Variants in TMEM204 observed in about 807,000 individuals in gnomAD.
The protein encoded by TMEM204 is transmembrane protein 204.
A neutral mutation model predicts 19.4 loss-of-function variants in TMEM204; 15 were observed. That is an observed-to-expected ratio of 0.77 (90% CI 0.52 to 1.19). The LOEUF (loss-of-function observed/expected upper bound fraction) is 1.19, where lower values mean the gene tolerates loss of function less well. TMEM204 is among the 50% of genes most tolerant of loss of function. TMEM204 has a pLI of 0.00. For synonymous variants in TMEM204, 161 were observed against 146.0 expected (o/e 1.10, Z -0.74); for missense variants, 287 against 321.2 (o/e 0.89, Z 0.81).
chr16:1,534,600 C>G (rs542513273), intron 1 of TMEM204, 45 bp downstream of exon 1: 2 of 1,597,860 alleles, frequency 1.3e-6, no homozygotes, highest in Admixed American at 3.3e-5. Context: ...GGCCGAGGCT[C>G]GAGGGCACAT....
chr16:1,541,699 G>A (rs368018294), intron 1 of TMEM204, among the ~76,000 whole-genome samples: 165 of 152,216 alleles, frequency 1.1e-3, no homozygotes, highest in African/African-American at 3.7e-3. Flanking sequence ...CAGGCCCGGC[G>A]GCTGGGATGA....
At chr16:1,546,584 A>C (rs1167518882) in intron 2 of TMEM204, among the ~76,000 whole-genome samples, 2 of 152,140 alleles carry the variant, frequency 1.3e-5, no homozygotes, top group Non-Finnish European at 2.9e-5. Context: ...TTCAGGCCCG[A>C]GGCGCATCCC....
At chr16:1,545,632 G>A (rs867447633) in intron 2 of TMEM204, among the ~76,000 whole-genome samples, 13 of 152,174 alleles carry the variant, frequency 8.5e-5, no homozygotes, top group African/African-American at 2.7e-4. Flanking sequence ...AGTGAACCTC[G>A]ATCCCAGGGC....
intron 2 of TMEM204, among the ~76,000 whole-genome samples, chr16:1,543,659 A>G (rs964755330): frequency 2.9e-4 from 44 of 152,206 alleles, no homozygotes; most frequent in Non-Finnish European, 1.3e-4. Context: ...AGAACGAATG[A>G]GACAGGGATG....
At chr16:1,541,693 C>G (rs1189356571) in intron 1 of TMEM204, among the ~76,000 whole-genome samples, 1 of 152,130 alleles carries the variant, frequency 6.6e-6, no homozygotes, top group Non-Finnish European at 1.5e-5. Flanking sequence ...TGCAGCCAGG[C>G]CCGGCGGCTG....
chr16:1,539,119 G>A (rs902249628), intron 1 of TMEM204, among the ~76,000 whole-genome samples: 2 of 146,122 alleles, frequency 1.4e-5, no homozygotes, highest in African/African-American at 5.1e-5. Context: ...TCAGCAAGCT[G>A]CAGAGTGCCA....
In TMEM204 at chr16:1,534,448, G is replaced by T; in HGVS notation, c.173G>T (p.Gly58Val). The T allele has an allele frequency of 6.2e-7, 1 of 1,611,652 alleles. No homozygotes were observed. The highest frequency in any genetic ancestry group is 8.5e-7 in the Non-Finnish European group (1 of 1,179,734). Residue 58 changes from glycine to valine, a missense_variant, in exon 1 of 3, where the codon GGG (glycine) becomes GTG (valine). Coordinates refer to ENST00000566264, the MANE Select transcript of TMEM204 (RefSeq NM_024600.6). ...TGGCTGGTGGACAGGACCCGGGGAG[G>T]GCCGAGCCCTGGGGCCAGAGCCGGC... ...SCWLVDRTRGGPSPGARAGQV... is the reference protein window; with the variant it reads ...SCWLVDRTRGVPSPGARAGQV...
intron 1 of TMEM204, chr16:1,541,480 C>G (rs910007270): frequency 5.1e-6 from 5 of 985,296 alleles, no homozygotes; most frequent in East Asian, 1.1e-4. Flanking sequence ...GCTGGCCCCC[C>G]GCGGAGTCTC....
At chr16:1,542,152 C>A in intron 2 of TMEM204, 76 bp downstream of exon 2, 1 of 1,430,552 alleles carries the variant, frequency 7.0e-7, no homozygotes, top group East Asian at 2.6e-5. Flanking sequence ...GGTCCTGAGG[C>A]CTTGGGTGGC....
intron 2 of TMEM204, chr16:1,554,211 TGGAGTTCCCAAAGC>T: frequency 9.5e-7 from 1 of 1,058,142 alleles, no homozygotes; most frequent in East Asian, 6.1e-5. Flanking sequence ...CCAGGCCATC[TGGAGTTCCCAAAGC>T]AAAGGCCAAG....
In TMEM204 at chr16:1,553,291, CCTGT is replaced by C. The variant is rs2141407539; in HGVS notation, c.437-1488_437-1485del. The C allele has an allele frequency of 1.0e-6, 1 of 981,386 alleles. No individual in the cohort carries two copies. Among genetic ancestry groups the C allele is most frequent in the Non-Finnish European group, 1.2e-6 (1 of 826,572 alleles). 60.8% of individuals were successfully genotyped at this position (981,386 alleles called of 1,614,324 possible). On this transcript the variant is annotated intron_variant, in intron 2 of 2. Coordinates refer to ENST00000566264, the MANE Select transcript of TMEM204 (RefSeq NM_024600.6). This position sits in a 1 kb window ranked among gnomAD's most constrained non-coding sequence, Gnocchi z 4.4. ...TGGTCTCTGTCTCTCTGTGTCTCTG[CCTGT>C]CTCTCTGTGTCTCTGTCTCTGTGTC...
At chr16:1,536,825 G>A (rs1014466963) in intron 1 of TMEM204, among the ~76,000 whole-genome samples, 2 of 152,184 alleles carry the variant, frequency 1.3e-5, no homozygotes, top group Non-Finnish European at 2.9e-5. Context: ...CCCACGGGGT[G>A]GCCCCTCTGT....
intron 1 of TMEM204, among the ~76,000 whole-genome samples, chr16:1,535,134 C>T (rs946784258): frequency 6.6e-6 from 1 of 152,084 alleles, no homozygotes; most frequent in African/African-American, 2.4e-5. Context: ...TGGCTTTGTT[C>T]TCACGGTTGT....
In TMEM204 at chr16:1,553,244, C is replaced by G. The variant is rs546963363; in HGVS notation, c.437-1538C>G. 5.6e-4 allele frequency: 543 copies of G among 976,988 alleles called. 7 individuals carry two copies. The highest frequency in any genetic ancestry group is 5.3e-4 in the Middle Eastern group (1 of 1,900). 60.5% of individuals were successfully genotyped at this position (976,988 alleles called of 1,614,324 possible). A position where few individuals can be genotyped will look rare whatever the true frequency, so the allele number is the denominator to read the frequency against. ...TGTCTCCATCTGTCTCTGTGTCTGT[C>G]TCTGTCTCTCTGTATCTCTCTTGGT... On this transcript the variant is annotated intron_variant, in intron 2 of 2. Transcript: ENST00000566264. The surrounding 1 kb of genome is among the most constrained non-coding windows in gnomAD (Gnocchi z 4.4).
At chr16:1,537,897 C>G (rs1157552906) in intron 1 of TMEM204, among the ~76,000 whole-genome samples, 5 of 152,174 alleles carry the variant, frequency 3.3e-5, no homozygotes, top group Non-Finnish European at 7.3e-5. Context: ...CAAACGGGCA[C>G]GTAAGACCCT....
At chr16:1,539,678 A>G (rs1219434016) in intron 1 of TMEM204, among the ~76,000 whole-genome samples, 1 of 152,244 alleles carries the variant, frequency 6.6e-6, no homozygotes, top group African/African-American at 2.4e-5. Flanking sequence ...CGTGGCAGTG[A>G]CGCTCACTGG....
intron 1 of TMEM204, among the ~76,000 whole-genome samples, chr16:1,540,223 T>C (rs2031500402): frequency 6.6e-6 from 1 of 152,248 alleles, no homozygotes; most frequent in African/African-American, 2.4e-5. Context: ...GGGAAGCAGA[T>C]GCCTCGGCTC....
chr16:1,547,879 G>A (rs971529526), intron 2 of TMEM204, among the ~76,000 whole-genome samples: 7 of 152,088 alleles, frequency 4.6e-5, no homozygotes, highest in South Asian at 2.1e-4. Context: ...GTCTTGCCAC[G>A]TTGCCCAGGC....
rs548434269 is a variant in TMEM204, at chr16:1,550,825, A to G, written c.437-3957A>G. 5.9e-5 allele frequency among the ~76,000 whole-genome samples: 9 copies of G among 152,308 alleles called. No individual in the cohort carries two copies. In the South Asian group the frequency reaches 1.9e-3, roughly 32 times the overall value. On this transcript the variant is annotated intron_variant, in intron 2 of 2. Transcript: ENST00000566264. ...AAGAGGAATGCCAGTTCCCCAAGGA[A>G]AGTCAAGAGCGCCCTAGCCGTCTCT...
Sources: gnomAD v4.1 joint callset for allele counts (sites outside exome capture counted in the v4.1 genomes callset) on GRCh38, gnomAD v4.1.1 for gene constraint, Gnocchi (gnomAD v3.1) non-coding constraint, MANE v1.5 for transcripts, NCBI Gene and HGNC (gene_info 2026-07-23, HGNC 2026-07-21) for gene names.